GRID1: variants seen among roughly 807,000 people sequenced by gnomAD.
The protein encoded by GRID1 is glutamate receptor ionotropic, delta-1.
Under a neutral mutation model 98.0 loss-of-function variants are expected in GRID1, and 28 were observed. The ratio of observed to expected loss-of-function variants is 0.29; its 90% CI spans 0.21 to 0.39. The LOEUF (loss-of-function observed/expected upper bound fraction) is 0.39. Among genes scored for constraint, GRID1 ranks in the 10% least tolerant of loss-of-function variants. The pLI is 1.00. For synonymous variants in GRID1, 553 were observed against 538.5 expected, an observed-to-expected ratio of 1.03 and a Z score of -0.37; for missense variants, 1,111 against 1,340.5, an observed-to-expected ratio of 0.83 and a Z score of 2.67.
chr10:85,705,696 C>T (rs1464736614), intron 12 of GRID1, among the ~76,000 whole-genome samples: 1 of 152,086 alleles, frequency 6.6e-6, no homozygotes, highest in Non-Finnish European at 1.5e-5. Flanking sequence ...AACATCGATG[C>T]AAAAATCCTC....
intron 13 of GRID1, among the ~76,000 whole-genome samples, chr10:85,638,301 A>T (rs1478109112): frequency 6.6e-6 from 1 of 152,224 alleles, no homozygotes; most frequent in African/African-American, 2.4e-5. Context: ...TATTAAATGT[A>T]ATAACGATCA....
intron 4 of GRID1, among the ~76,000 whole-genome samples, chr10:85,946,623 G>A (rs1842056516): frequency 6.6e-6 from 1 of 152,184 alleles, no homozygotes; most frequent in Non-Finnish European, 1.5e-5. Context: ...GTCCAGTGGG[G>A]GCTTGGAAAG....
At chr10:86,221,946 G>A (rs1336654291) in intron 2 of GRID1, among the ~76,000 whole-genome samples, 8 of 152,084 alleles carry the variant, frequency 5.3e-5, no homozygotes, top group Admixed American at 2.0e-4. Flanking sequence ...GGTAGGGAGG[G>A]CAGGGGGTGG....
intron 8 of GRID1, among the ~76,000 whole-genome samples, chr10:85,824,220 A>T (rs972348957): frequency 6.6e-6 from 1 of 152,124 alleles, no homozygotes; most frequent in Non-Finnish European, 1.5e-5. Context: ...TTTGAGATGG[A>T]GTCTTGCCTT....
chr10:85,715,407 T>C (rs1174369703), intron 12 of GRID1, among the ~76,000 whole-genome samples: 2 of 152,040 alleles, frequency 1.3e-5, no homozygotes, highest in Non-Finnish European at 2.9e-5. Flanking sequence ...ATCCTACACA[T>C]AGCAAAGTAA....
chr10:86,321,571 G>A lies in GRID1; in HGVS notation c.235+42370C>T, dbSNP rs117702190. On this transcript the variant is annotated intron_variant, in intron 2 of 15. Coordinates refer to ENST00000327946, the MANE Select transcript of GRID1 (RefSeq NM_017551.3). ...GGTTCGGATTGGAAATGGTACCACA[G>A]GGCAAAGCATATCCGGGAGAGGGCT... 1.3e-4 allele frequency among the ~76,000 whole-genome samples: 20 copies of A among 152,290 alleles called. No individual in the cohort carries two copies. In the East Asian group the frequency reaches 3.7e-3, roughly 28 times the overall value.
intron 8 of GRID1, among the ~76,000 whole-genome samples, chr10:85,803,072 G>T (rs1842592043): frequency 1.3e-5 from 2 of 152,094 alleles, no homozygotes; most frequent in Non-Finnish European, 1.5e-5. Context: ...GTTACCAGAG[G>T]CTGGGAAGGG....
rs546963906 is a variant in GRID1, at chr10:86,110,232, C to T, written c.726+28587G>A. On this transcript the variant is annotated intron_variant, in intron 4 of 15. Coordinates refer to ENST00000327946, the MANE Select transcript of GRID1 (RefSeq NM_017551.3). ...CAGGTGATCCACCTGCCTCGGCCTC[C>T]CAAAGTGTTGGGATTACAGGCATGA... Among the ~76,000 whole-genome samples, 19 of 152,258 alleles carry T rather than the reference C, an allele frequency of 1.2e-4. No homozygotes were observed. The South Asian group carries it at 3.9e-3, about 32-fold the overall frequency.
At chr10:85,942,179 C>T (rs1842004116) in intron 4 of GRID1, among the ~76,000 whole-genome samples, 1 of 152,184 alleles carries the variant, frequency 6.6e-6, no homozygotes, top group South Asian at 2.1e-4. Flanking sequence ...AGACTTGGGT[C>T]CTCAGTTTCT....
chr10:85,925,998 T>G (rs1355653693), intron 4 of GRID1, among the ~76,000 whole-genome samples: 1 of 152,256 alleles, frequency 6.6e-6, no homozygotes, highest in Admixed American at 6.5e-5. Context: ...TGATAAGAGC[T>G]GCTGAGTATA....
chr10:86,254,729 C>CT (rs1846891390), intron 2 of GRID1, among the ~76,000 whole-genome samples: 2 of 152,256 alleles, frequency 1.3e-5, no homozygotes, highest in African/African-American at 4.8e-5. Context: ...AGCAGAGCCG[C>CT]TGAAGCCTGG....
At chr10:86,075,572 G>T (rs1006691860) in intron 4 of GRID1, among the ~76,000 whole-genome samples, 4 of 152,188 alleles carry the variant, frequency 2.6e-5, no homozygotes, top group Admixed American at 6.5e-5. Context: ...CACCCCATTT[G>T]TGGTACTTTG....
chr10:86,113,249 T>C (rs1177489418), intron 4 of GRID1, among the ~76,000 whole-genome samples: 4 of 152,126 alleles, frequency 2.6e-5, no homozygotes, highest in Admixed American at 2.6e-4. Flanking sequence ...CAACTCCTCG[T>C]CTAGCCCACA....
At chr10:85,825,187 C>T (rs1286419821) in intron 8 of GRID1, among the ~76,000 whole-genome samples, 1 of 152,196 alleles carries the variant, frequency 6.6e-6, no homozygotes, top group African/African-American at 2.4e-5. Context: ...TCACCACATC[C>T]ATGCCAACAT....
intron 2 of GRID1, among the ~76,000 whole-genome samples, chr10:86,305,307 G>T (rs2132084501): frequency 6.6e-6 from 1 of 152,292 alleles, no homozygotes; most frequent in Non-Finnish European, 1.5e-5. Context: ...TCATTGGTCA[G>T]GAGCACACGA....
intron 4 of GRID1, among the ~76,000 whole-genome samples, chr10:86,098,701 G>T (rs1384294872): frequency 6.6e-6 from 1 of 152,184 alleles, no homozygotes; most frequent in Non-Finnish European, 1.5e-5. Flanking sequence ...TAACTGAGTG[G>T]TGAAAAACGG....
At chr10:85,787,936 C>T (rs1842444285) in intron 8 of GRID1, among the ~76,000 whole-genome samples, 1 of 152,064 alleles carries the variant, frequency 6.6e-6, no homozygotes, top group Non-Finnish European at 1.5e-5. Context: ...AAATCCCTCC[C>T]CAGGGTCTGG....
At chr10:86,091,719 C>T (rs1844151139) in intron 4 of GRID1, among the ~76,000 whole-genome samples, 1 of 152,154 alleles carries the variant, frequency 6.6e-6, no homozygotes, top group African/African-American at 2.4e-5. Context: ...GCTAAGGAAT[C>T]TCACAGAGTC....
intron 12 of GRID1, among the ~76,000 whole-genome samples, chr10:85,671,051 T>C (rs544502800): frequency 4.4e-4 from 67 of 152,104 alleles, no homozygotes; most frequent in Non-Finnish European, 2.9e-4. Context: ...CCACCCTCAA[T>C]CCCCCAAATA....
Sources: allele counts gnomAD v4.1 joint callset (sites outside exome capture counted in the v4.1 genomes callset), GRCh38; gene constraint gnomAD v4.1.1; transcripts MANE v1.5; gene names NCBI Gene and HGNC (gene_info 2026-07-23, HGNC 2026-07-21).